The following KIAA1549L variants were observed in gnomAD, a reference collection of about 807,000 sequenced individuals.
KIAA1549L encodes the protein KIAA1549 like.
In KIAA1549L, 88 loss-of-function variants were observed where a neutral mutation model predicts 160.7. The observed-to-expected ratio is 0.55, with a 90% CI of 0.46 to 0.65. The LOEUF (loss-of-function observed/expected upper bound fraction) is 0.65. KIAA1549L is among the 30% of genes least tolerant of loss of function. The probability of loss-of-function intolerance (pLI) is 0.00; values close to 1 mark genes in which losing one functional copy is unlikely to be tolerated. For synonymous variants in KIAA1549L, 950 were observed against 976.7 expected (o/e 0.97, Z 0.51); for missense variants, 2,258 against 2,437.5 (o/e 0.93, Z 1.55).
intron 1 of KIAA1549L, among the ~76,000 whole-genome samples, chr11:33,512,760 T>C (rs531679837): frequency 6.6e-6 from 1 of 152,250 alleles, no homozygotes; most frequent in Non-Finnish European, 1.5e-5. Context: ...TAGTGCATTA[T>C]CTCCTTCAGT....
intron 17 of KIAA1549L, among the ~76,000 whole-genome samples, chr11:33,651,634 G>A (rs1185411572): frequency 6.6e-6 from 1 of 151,998 alleles, no homozygotes; most frequent in African/African-American, 2.4e-5. Context: ...CCTGCAGCCT[G>A]TTACCCCTGT....
At chr11:33,656,364 C>A (rs1235685941) in intron 18 of KIAA1549L, among the ~76,000 whole-genome samples, 1 of 152,166 alleles carries the variant, frequency 6.6e-6, no homozygotes, top group African/African-American at 2.4e-5. Flanking sequence ...TGCCCCATAC[C>A]TGGAAAGCCT....
intron 12 of KIAA1549L, among the ~76,000 whole-genome samples, chr11:33,593,879 G>A (rs1466631365): frequency 3.3e-5 from 5 of 152,122 alleles, no homozygotes; most frequent in African/African-American, 9.7e-5. Context: ...AGTGGTCAGT[G>A]TGTAATTACT....
At chr11:33,580,614 C>T (rs1319644203) in intron 10 of KIAA1549L, among the ~76,000 whole-genome samples, 1 of 135,210 alleles carries the variant, frequency 7.4e-6, no homozygotes, top group Non-Finnish European at 1.6e-5. Context: ...AAAAAAAAGC[C>T]ACTTAAAGAA....
At chr11:33,535,121 G>A (rs1021534464) in intron 1 of KIAA1549L, among the ~76,000 whole-genome samples, 9 of 152,078 alleles carry the variant, frequency 5.9e-5, no homozygotes, top group African/African-American at 2.2e-4. Flanking sequence ...CAGGTTGTTG[G>A]CATAATTCAT....
intron 6 of KIAA1549L, among the ~76,000 whole-genome samples, chr11:33,554,384 T>G (rs777658272): frequency 4.9e-4 from 74 of 152,222 alleles, no homozygotes; most frequent in Non-Finnish European, 6.0e-4. Flanking sequence ...AGGGACAGAA[T>G]CTAAGCTGAT....
intron 1 of KIAA1549L, among the ~76,000 whole-genome samples, chr11:33,520,675 C>A (rs1853462593): frequency 7.5e-6 from 1 of 133,280 alleles, no homozygotes; most frequent in African/African-American, 3.2e-5. Flanking sequence ...ACATACACCC[C>A]CCACCCCCAA....
At chr11:33,545,856 A>G (rs763825131) in intron 3 of KIAA1549L, among the ~76,000 whole-genome samples, 14 of 152,250 alleles carry the variant, frequency 9.2e-5, no homozygotes, top group Non-Finnish European at 1.9e-4. Context: ...TGTAAGATAC[A>G]ACATCTTGGG....
In KIAA1549L at chr11:33,400,217, G is replaced by C. The variant is rs1032217029; in HGVS notation, c.238+23328G>C. ...AAAACATGCATGATGTGTTAAGTAA[G>C]ACCAATGCTAGGTAAGGTTTCCAAA... On this transcript the variant is annotated intron_variant, in intron 1 of 20. Coordinates refer to ENST00000658780, the MANE Select transcript of KIAA1549L (RefSeq NM_012194.3). 5.9e-5 allele frequency among the ~76,000 whole-genome samples: 9 copies of C among 152,300 alleles called. 1 individual carries two copies. The highest frequency in any genetic ancestry group is 5.9e-4 in the Admixed American group (9 of 15,294).
chr11:33,629,540 A>T (rs1383324790), intron 16 of KIAA1549L, among the ~76,000 whole-genome samples: 1 of 151,202 alleles, frequency 6.6e-6, no homozygotes, highest in Non-Finnish European at 1.5e-5. Flanking sequence ...CATTCATTTC[A>T]TCTTCCATCG....
intron 1 of KIAA1549L, among the ~76,000 whole-genome samples, chr11:33,421,739 A>T (rs1464419805): frequency 6.6e-6 from 1 of 152,114 alleles, no homozygotes; most frequent in African/African-American, 2.4e-5. Context: ...TTTCCTGGGG[A>T]TGGAGTTGGT....
intron 10 of KIAA1549L, among the ~76,000 whole-genome samples, chr11:33,577,689 T>C (rs1855499089): frequency 6.6e-6 from 1 of 152,018 alleles, no homozygotes. Flanking sequence ...GGGTGTGTGG[T>C]AATACACACG....
intron 4 of KIAA1549L, 130 bp from the exon 5 acceptor site, chr11:33,550,910 A>G: frequency 1.3e-6 from 1 of 762,068 alleles, no homozygotes; most frequent in Non-Finnish European, 2.3e-6. Flanking sequence ...ATTGTTAAGA[A>G]TATTTGTTGA....
At chr11:33,489,353 C>T (rs1852603870) in intron 1 of KIAA1549L, among the ~76,000 whole-genome samples, 1 of 152,172 alleles carries the variant, frequency 6.6e-6, no homozygotes. Context: ...AAAGATATCT[C>T]TCTTTCTCTT....
chr11:33,645,808 C>G lies in KIAA1549L; in HGVS notation c.5532C>G (p.Ile1844Met), dbSNP rs368722488. The G allele has an allele frequency of 1.2e-6, 2 of 1,613,860 alleles. No individual in the cohort carries two copies. The highest frequency in any genetic ancestry group is 1.3e-5 in the African/African-American group (1 of 74,922). ...CCACACTGAGCTCCCAGCCATCCAT[C>G]GACGAGGTCAGGCAGCAGATGCACA... ...ETSTLSSQPS[I>M]DEVRQQMHML... The change falls in exon 17 of 21, where the codon ATC (isoleucine) becomes ATG (methionine). Residue 1844 changes from isoleucine (I) to methionine (M), a missense_variant. Ile to Met is a conservative substitution (Grantham distance 10). Coordinates refer to ENST00000658780, the MANE Select transcript of KIAA1549L (RefSeq NM_012194.3).
chr11:33,386,117 T>C (rs1475017484), intron 1 of KIAA1549L, among the ~76,000 whole-genome samples: 2 of 152,232 alleles, frequency 1.3e-5, no homozygotes, highest in Non-Finnish European at 2.9e-5. Flanking sequence ...AGTACTTTGC[T>C]GAATAGAAAT....
chr11:33,643,365 G>T (rs1307100994), intron 16 of KIAA1549L, among the ~76,000 whole-genome samples: 1 of 152,122 alleles, frequency 6.6e-6, no homozygotes, highest in Non-Finnish European at 1.5e-5. Flanking sequence ...CAGGGCTCTT[G>T]GGGCAGTGGG....
chr11:33,529,376 C>A (rs1565170519), intron 1 of KIAA1549L, among the ~76,000 whole-genome samples: 1 of 152,014 alleles, frequency 6.6e-6, no homozygotes, highest in Non-Finnish European at 1.5e-5. Flanking sequence ...GCAAGAGATG[C>A]AACTCAGAAA....
chr11:33,491,687 T>C (rs541994747), intron 1 of KIAA1549L, among the ~76,000 whole-genome samples: 1 of 152,294 alleles, frequency 6.6e-6, no homozygotes, highest in East Asian at 1.9e-4. Context: ...CTCTAAGAAA[T>C]CTGAATCTCT....
Sources: gnomAD v4.1 joint callset for allele counts (sites outside exome capture counted in the v4.1 genomes callset) on GRCh38, gnomAD v4.1.1 for gene constraint, MANE v1.5 for transcripts, NCBI Gene and HGNC (gene_info 2026-07-23, HGNC 2026-07-21) for gene names.